Variants in WDR7 observed in about 807,000 individuals in gnomAD.
WDR7 encodes WD repeat-containing protein 7.
In WDR7, 46 loss-of-function variants were observed where a neutral mutation model predicts 169.4. That is an observed-to-expected ratio of 0.27 (90% CI 0.21 to 0.35). The LOEUF (loss-of-function observed/expected upper bound fraction) is 0.35. WDR7 is among the 10% of genes least tolerant of loss of function. The pLI is 1.00. For synonymous variants in WDR7, 612 were observed against 666.8 expected (o/e 0.92, Z 1.27); for missense variants, 1,534 against 1,859.3 (o/e 0.83, Z 3.22).
intron 20 of WDR7, among the ~76,000 whole-genome samples, chr18:56,829,928 T>C (rs1049133819): frequency 3.3e-5 from 5 of 152,108 alleles, no homozygotes; most frequent in Non-Finnish European, 5.9e-5. Context: ...GATAGATAAG[T>C]CTAAAATTGA....
chr18:56,770,272 G>A (rs2044133395), intron 16 of WDR7, among the ~76,000 whole-genome samples: 2 of 152,224 alleles, frequency 1.3e-5, no homozygotes, highest in Admixed American at 1.3e-4. Context: ...CTTGAGGGCA[G>A]ACACTTTGTC....
chr18:56,807,332 G>T (rs932853949), intron 19 of WDR7, among the ~76,000 whole-genome samples: 4 of 151,860 alleles, frequency 2.6e-5, no homozygotes, highest in African/African-American at 9.7e-5. Context: ...TTTTTTCTTT[G>T]TTTCATAACA....
At chr18:56,972,646 A>C (rs2145805776) in intron 26 of WDR7, among the ~76,000 whole-genome samples, 1 of 152,344 alleles carries the variant, frequency 6.6e-6, no homozygotes, top group South Asian at 2.1e-4. Context: ...TTGCCTAACA[A>C]GCTACTAGTT....
chr18:56,759,263 T>C (rs72914696), intron 16 of WDR7, among the ~76,000 whole-genome samples: 11 of 152,320 alleles, frequency 7.2e-5, no homozygotes, highest in Non-Finnish European at 1.6e-4. Context: ...GTTTAAAAGT[T>C]ATACCTATTT....
In WDR7 at chr18:56,691,312, A is replaced by C; in HGVS notation, c.814A>C (p.Ile272Leu). 6.2e-7 allele frequency: 1 copy of C among 1,606,506 alleles called. No individual in the cohort carries two copies. Among genetic ancestry groups the C allele is most frequent in the Non-Finnish European group, 8.5e-7 (1 of 1,178,570 alleles). Residue 272 changes from isoleucine to leucine, a missense_variant, in exon 8 of 28, where the codon ATC (isoleucine) becomes CTC (leucine). Ile to Leu is a conservative substitution (Grantham distance 5). Coordinates refer to ENST00000254442, the MANE Select transcript of WDR7 (RefSeq NM_015285.3). ...GGACTTTGTCTCATCAGATAAAGTC[A>C]TCATTTGGACAGAAAATGGGCAAAG... ...GGDFVSSDKV[I>L]IWTENGQSYI...
At chr18:56,683,421 T>G (rs1041860685) in intron 5 of WDR7, among the ~76,000 whole-genome samples, 6 of 152,222 alleles carry the variant, frequency 3.9e-5, no homozygotes, top group Admixed American at 6.5e-5. Context: ...TAATAGTTAA[T>G]GCAGAACATT....
intron 27 of WDR7, among the ~76,000 whole-genome samples, chr18:57,025,922 T>C (rs1241284514): frequency 1.3e-5 from 2 of 152,246 alleles, no homozygotes; most frequent in African/African-American, 4.8e-5. Flanking sequence ...ATAATCTGCA[T>C]GCTTCATGCA....
Position 56,691,221 on chromosome 18 carries a change from C to T in WDR7, c.723C>T (p.Phe241=), listed in dbSNP as rs562541697. The change falls in exon 8 of 28, where the codon TTC becomes TTT. Residue 241 remains phenylalanine, a synonymous_variant. Coordinates refer to ENST00000254442, the MANE Select transcript of WDR7 (RefSeq NM_015285.3). ...LVVCSKYWRV[F]DAGDYSLLCS... is the part of the protein sequence containing the mutation. The stretch of plus-strand genomic sequence containing the variant: ...AATTTCTTTCTTCCTTGCAGGTGTT[C>T]GATGCCGGAGACTATTCCTTGTTGT... 19 of 1,604,074 alleles carry T rather than the reference C, an allele frequency of 1.2e-5. No individual in the cohort carries two copies. Among genetic ancestry groups the T allele is most frequent in the East Asian group, 1.1e-4 (5 of 43,796 alleles).
At chr18:56,933,125 A>G (rs1482359046) in intron 22 of WDR7, among the ~76,000 whole-genome samples, 2 of 152,174 alleles carry the variant, frequency 1.3e-5, no homozygotes, top group Non-Finnish European at 2.9e-5. Context: ...TGCAGAAGCC[A>G]GACCCTTTCT....
chr18:56,708,569 A>G (rs1407501128), intron 12 of WDR7, among the ~76,000 whole-genome samples: 2 of 152,172 alleles, frequency 1.3e-5, no homozygotes, highest in Non-Finnish European at 1.5e-5. Context: ...GTGGGCATGG[A>G]CAGATGACAG....
At chr18:56,934,008 T>C (rs1219088047) in intron 22 of WDR7, among the ~76,000 whole-genome samples, 1 of 152,218 alleles carries the variant, frequency 6.6e-6, no homozygotes, top group African/African-American at 2.4e-5. Context: ...CAGCATTCTG[T>C]GATTTTATTG....
intron 21 of WDR7, among the ~76,000 whole-genome samples, chr18:56,910,275 T>C (rs951398980): frequency 6.6e-6 from 1 of 152,232 alleles, no homozygotes; most frequent in Non-Finnish European, 1.5e-5. Flanking sequence ...TTCCTGATAA[T>C]GTAATCTCAG....
intron 26 of WDR7, among the ~76,000 whole-genome samples, chr18:56,991,747 C>T (rs963083483): frequency 2.0e-5 from 3 of 152,072 alleles, no homozygotes; most frequent in Non-Finnish European, 2.9e-5. Context: ...GGCAACAGCC[C>T]AAGATATTAT....
chr18:56,669,239 A>C (rs2025083387), intron 1 of WDR7, among the ~76,000 whole-genome samples: 1 of 152,140 alleles, frequency 6.6e-6, no homozygotes, highest in South Asian at 2.1e-4. Context: ...GCAATACCTG[A>C]AATTAATCAA....
intron 14 of WDR7, among the ~76,000 whole-genome samples, chr18:56,739,775 T>A (rs1267377019): frequency 6.6e-6 from 1 of 152,088 alleles, no homozygotes; most frequent in East Asian, 1.9e-4. Flanking sequence ...GGGAATAAGC[T>A]ATCATTCTTA....
intron 26 of WDR7, among the ~76,000 whole-genome samples, chr18:57,014,929 G>T (rs1341039521): frequency 6.6e-6 from 1 of 152,102 alleles, no homozygotes; most frequent in African/African-American, 2.4e-5. Flanking sequence ...TTAAAAGGCT[G>T]TCACACTAAG....
Position 56,724,151 on chromosome 18 carries a change from CTTGAT to C in WDR7, c.1774+6000_1774+6004del, listed in dbSNP as rs1433664257. 7.8e-5 allele frequency among the ~76,000 whole-genome samples: 9 copies of C among 114,788 alleles called. No homozygotes were observed. In the South Asian group the frequency reaches 2.0e-3, roughly 25 times the overall value. The allele number at this position is 114,788 out of a possible 152,430, so 75.3% of individuals were successfully genotyped here. On this transcript the variant is annotated intron_variant, in intron 13 of 27. Coordinates refer to ENST00000254442, the MANE Select transcript of WDR7 (RefSeq NM_015285.3). The stretch of plus-strand genomic sequence containing the variant: ...GTTTATCAGTTCTGGGCTTGTTTTT[CTTGAT>C]TTGATTTTTTTTTTTTCACTCAGTA...
chr18:56,809,257 C>T (rs945754377), intron 19 of WDR7, among the ~76,000 whole-genome samples: 93 of 152,060 alleles, frequency 6.1e-4, no homozygotes, highest in Non-Finnish European at 1.0e-3. Flanking sequence ...TCTCTTTACT[C>T]TCCTTATTTC....
chr18:56,999,842 C>A (rs541172482), intron 26 of WDR7, among the ~76,000 whole-genome samples: 2 of 152,102 alleles, frequency 1.3e-5, no homozygotes, highest in African/African-American at 2.4e-5. Flanking sequence ...AGAAAACCCC[C>A]CTAGAGAACG....
Sources: gnomAD v4.1 joint callset for allele counts (sites outside exome capture counted in the v4.1 genomes callset) on GRCh38, gnomAD v4.1.1 for gene constraint, MANE v1.5 for transcripts, NCBI Gene and HGNC (gene_info 2026-07-23, HGNC 2026-07-21) for gene names.